The following TBCA variants were observed in gnomAD, a reference collection of about 807,000 sequenced individuals.
TBCA encodes tubulin-specific chaperone A.
A neutral mutation model predicts 15.8 loss-of-function variants in TBCA; 6 were observed. The observed-to-expected ratio is 0.38, with a 90% CI of 0.21 to 0.75. The LOEUF is 0.75. TBCA is among the 30% of genes least tolerant of loss of function. TBCA has a pLI of 0.46. For missense variants in TBCA, 90 were observed against 131.2 expected, an observed-to-expected ratio of 0.69 and a Z score of 1.53; for synonymous variants, 32 against 42.3, an observed-to-expected ratio of 0.76 and a Z score of 0.94.
At chr5:77,748,737 C>T (rs1038666236) in intron 1 of TBCA, among the ~76,000 whole-genome samples, 5 of 152,082 alleles carry the variant, frequency 3.3e-5, no homozygotes, top group Non-Finnish European at 2.9e-5. Context: ...TTTGACTCCC[C>T]AAAAACTTTA....
intron 1 of TBCA, among the ~76,000 whole-genome samples, chr5:77,739,045 A>G (rs531039238): frequency 1.3e-5 from 2 of 152,372 alleles, no homozygotes; most frequent in African/African-American, 2.4e-5. Flanking sequence ...ACAGTGCATC[A>G]TAAGTAGTAA....
intron 2 of TBCA, among the ~76,000 whole-genome samples, chr5:77,700,330 A>G (rs140591063): frequency 6.6e-6 from 1 of 152,316 alleles, no homozygotes; most frequent in Non-Finnish European, 1.5e-5. Context: ...TGTCTAGTAT[A>G]TACAATGAAC....
chr5:77,733,495 G>A (rs1302671597), intron 1 of TBCA, among the ~76,000 whole-genome samples: 3 of 152,222 alleles, frequency 2.0e-5, no homozygotes, highest in Non-Finnish European at 2.9e-5. Flanking sequence ...GAAAGTTTTA[G>A]TGATCTGGAT....
intron 1 of TBCA, among the ~76,000 whole-genome samples, chr5:77,754,429 TCC>T (rs1409453158): frequency 6.6e-6 from 1 of 152,224 alleles, no homozygotes; most frequent in Non-Finnish European, 1.5e-5. Context: ...TTGAAAAATA[TCC>T]AGACATTTAA....
At chr5:77,696,410 A>G (rs1158303221) in intron 2 of TBCA, among the ~76,000 whole-genome samples, 3 of 152,170 alleles carry the variant, frequency 2.0e-5, no homozygotes, top group Admixed American at 6.5e-5. Flanking sequence ...TAAGATTGTA[A>G]GAAGAATCTT....
chr5:77,748,211 C>CA (rs1747233243), intron 1 of TBCA, among the ~76,000 whole-genome samples: 1 of 152,106 alleles, frequency 6.6e-6, no homozygotes, highest in Non-Finnish European at 1.5e-5. Context: ...AAAATTTCAA[C>CA]AAAAAAGCCA....
chr5:77,693,441 G>T, intron 2 of TBCA, 89 bp from the exon 3 acceptor site: 4 of 1,405,392 alleles, frequency 2.8e-6, no homozygotes, highest in Non-Finnish European at 3.9e-6. Context: ...CTTATTAAGA[G>T]GAATCAGAAA....
In TBCA at chr5:77,691,288, A is replaced by AAT. The variant is rs199562988; in HGVS notation, c.*128_*129dup. 0.015 allele frequency: 10,359 copies of AAT among 711,228 alleles called. 111 individuals carry two copies. Among genetic ancestry groups the AAT allele is most frequent in the Middle Eastern group, 0.025 (61 of 2,482 alleles). 44.1% of individuals were successfully genotyped at this position (711,228 alleles called of 1,614,324 possible). A position where few individuals can be genotyped will look rare whatever the true frequency, so the allele number is the denominator to read the frequency against. ...TTTGACATATTAAATTAGACAAAGA[A>AAT]ATATATATGTAACCAGATAAAAACA... On this transcript the variant is annotated 3_prime_UTR_variant, in exon 4 of 4. Coordinates refer to ENST00000380377, the MANE Select transcript of TBCA (RefSeq NM_004607.3).
intron 1 of TBCA, among the ~76,000 whole-genome samples, chr5:77,748,086 G>A (rs1747231045): frequency 6.6e-6 from 1 of 152,072 alleles, no homozygotes; most frequent in Non-Finnish European, 1.5e-5. Context: ...TTATTCTTCA[G>A]CTATCACAAA....
At chr5:77,702,702 A>T (rs1228174954) in intron 2 of TBCA, among the ~76,000 whole-genome samples, 2 of 152,218 alleles carry the variant, frequency 1.3e-5, no homozygotes, top group Non-Finnish European at 2.9e-5. Flanking sequence ...ACTGTATTAT[A>T]TTTATACAAG....
chr5:77,763,079 T>G (rs972818250), intron 1 of TBCA, among the ~76,000 whole-genome samples: 22 of 151,994 alleles, frequency 1.4e-4, no homozygotes, highest in African/African-American at 4.1e-4. Context: ...CCGTCTCTAC[T>G]AAAAATACAA....
rs548046189 is a variant in TBCA at position 77,749,999 on chromosome 5, A to G, written c.53+26206T>C. Among the ~76,000 whole-genome samples the G allele has an allele frequency of 3.9e-5, 6 of 152,288 alleles. No individual in the cohort carries two copies. The South Asian group carries it at 1.0e-3, about 26-fold the overall frequency. On this transcript the variant is annotated intron_variant, in intron 1 of 3. Transcript: ENST00000380377. ...GTAAATACTTGTGCATGCACAGAAC[A>G]TTTCTGGAAAGAGACACCAAAAAAT...
chr5:77,693,451 A>G, intron 2 of TBCA, 99 bp from the exon 3 acceptor site: 12 of 1,345,872 alleles, frequency 8.9e-6, no homozygotes, highest in Non-Finnish European at 1.2e-5. Context: ...GGAATCAGAA[A>G]AAAGTTATGG....
intron 1 of TBCA, among the ~76,000 whole-genome samples, chr5:77,723,144 G>GT (rs528275837): frequency 3.3e-5 from 5 of 151,482 alleles, no homozygotes; most frequent in Admixed American, 1.3e-4. Context: ...GATGAAATGG[G>GT]TTTTTTTAAA....
intron 1 of TBCA, among the ~76,000 whole-genome samples, chr5:77,772,951 G>A (rs71632943): frequency 0.08 from 12,181 of 152,174 alleles, 639 homozygotes; most frequent in Middle Eastern, 0.12. Context: ...TTATAAACTA[G>A]TAGAGATCAC....
chr5:77,738,797 G>A (rs1746968534), intron 1 of TBCA, among the ~76,000 whole-genome samples: 1 of 152,066 alleles, frequency 6.6e-6, no homozygotes, highest in Admixed American at 6.6e-5. Flanking sequence ...TGGCCAGGCT[G>A]GTCTCAAACT....
chr5:77,762,724 T>C (rs796742484), intron 1 of TBCA, among the ~76,000 whole-genome samples: 16 of 152,244 alleles, frequency 1.1e-4, no homozygotes, highest in African/African-American at 3.6e-4. Flanking sequence ...CCACTATCTA[T>C]AGGCCTCCCC....
At chr5:77,700,829 C>A (rs1745994227) in intron 2 of TBCA, among the ~76,000 whole-genome samples, 1 of 152,124 alleles carries the variant, frequency 6.6e-6, no homozygotes, top group Admixed American at 6.6e-5. Context: ...GGAAAGGACA[C>A]CCTTTTCAAC....
chr5:77,698,743 A>C (rs935070597), intron 2 of TBCA, among the ~76,000 whole-genome samples: 1 of 152,228 alleles, frequency 6.6e-6, no homozygotes, highest in Non-Finnish European at 1.5e-5. Flanking sequence ...AAACTGCTTC[A>C]ACAAATTAGC....
Sources: gnomAD v4.1 joint callset for allele counts (sites outside exome capture counted in the v4.1 genomes callset) on GRCh38, gnomAD v4.1.1 for gene constraint, MANE v1.5 for transcripts, NCBI Gene and HGNC (gene_info 2026-07-23, HGNC 2026-07-21) for gene names.